The following SGCZ variants were observed in gnomAD, a reference collection of about 807,000 sequenced individuals.
The protein encoded by SGCZ is zeta-sarcoglycan.
In SGCZ, 40 loss-of-function variants were observed where a neutral mutation model predicts 41.3. The observed-to-expected ratio is 0.97, with a 90% confidence interval of 0.75 to 1.26. SGCZ has a LOEUF of 1.26. Among genes scored for constraint, SGCZ ranks in the 50% most tolerant of loss-of-function variants. SGCZ has a pLI of 0.00. For synonymous variants in SGCZ, 206 were observed against 137.5 expected (o/e 1.50, Z -3.49); for missense variants, 552 against 369.8 (o/e 1.49, Z -4.04).
At chr8:14,912,732 T>C (rs970203733) in intron 1 of SGCZ, among the ~76,000 whole-genome samples, 4 of 152,092 alleles carry the variant, frequency 2.6e-5, no homozygotes, top group African/African-American at 7.2e-5. Context: ...GGCGGAAATT[T>C]GATGCACCAC....
intron 1 of SGCZ, among the ~76,000 whole-genome samples, chr8:15,216,516 G>A (rs1801409318): frequency 6.6e-6 from 1 of 151,916 alleles, no homozygotes; most frequent in Admixed American, 6.6e-5. Context: ...CACCGCACCT[G>A]GCCAGCTTAT....
intron 2 of SGCZ, among the ~76,000 whole-genome samples, chr8:14,536,539 A>T (rs1208857974): frequency 1.3e-5 from 2 of 150,988 alleles, no homozygotes; most frequent in African/African-American, 4.9e-5. Context: ...AATTTTAATG[A>T]AAAAAAAACC....
chr8:14,465,303 T>A (rs1384888774), intron 2 of SGCZ, among the ~76,000 whole-genome samples: 1 of 151,736 alleles, frequency 6.6e-6, no homozygotes, highest in East Asian at 1.9e-4. Flanking sequence ...ATTGGACATT[T>A]TAGTAGTATA....
intron 4 of SGCZ, among the ~76,000 whole-genome samples, chr8:14,181,045 A>G (rs1245399254): frequency 1.3e-5 from 2 of 152,204 alleles, no homozygotes; most frequent in African/African-American, 4.8e-5. Flanking sequence ...GCAAGCGGCT[A>G]TTATGCCCCC....
At chr8:14,124,314 C>G (rs1802787591) in intron 5 of SGCZ, among the ~76,000 whole-genome samples, 1 of 152,098 alleles carries the variant, frequency 6.6e-6, no homozygotes, top group Non-Finnish European at 1.5e-5. Flanking sequence ...TTTACCTTTA[C>G]TGTGAAATGA....
intron 1 of SGCZ, among the ~76,000 whole-genome samples, chr8:14,956,143 G>A (rs868650740): frequency 6.7e-4 from 100 of 150,240 alleles, no homozygotes; most frequent in African/African-American, 2.4e-3. Context: ...GGGTTCAAGC[G>A]AATCTCCTGC....
chr8:15,231,461 G>A (rs1801936142), intron 1 of SGCZ, among the ~76,000 whole-genome samples: 1 of 152,048 alleles, frequency 6.6e-6, no homozygotes, highest in African/African-American at 2.4e-5. Context: ...TCTTGGAGGG[G>A]TGGTAACCTT....
At chr8:14,786,206 A>G (rs1286508812) in intron 1 of SGCZ, among the ~76,000 whole-genome samples, 1 of 152,122 alleles carries the variant, frequency 6.6e-6, no homozygotes. Context: ...GTCTTTGACG[A>G]GTTTTATCAG....
chr8:14,656,741 TGAAA>T (rs1807591580), intron 1 of SGCZ, among the ~76,000 whole-genome samples: 1 of 151,790 alleles, frequency 6.6e-6, no homozygotes, highest in Non-Finnish European at 1.5e-5. Flanking sequence ...CAGCTTCAAC[TGAAA>T]GTTTGGGATT....
chr8:14,938,736 G>C (rs1458474491), intron 1 of SGCZ, among the ~76,000 whole-genome samples: 1 of 151,912 alleles, frequency 6.6e-6, no homozygotes, highest in Non-Finnish European at 1.5e-5. Flanking sequence ...TATTCTAAGT[G>C]AAGTAATTCA....
At chr8:14,581,405 C>T (rs1199179844) in intron 1 of SGCZ, among the ~76,000 whole-genome samples, 3 of 152,038 alleles carry the variant, frequency 2.0e-5, no homozygotes, top group Non-Finnish European at 4.4e-5. Context: ...TGAGCCACTG[C>T]GCCCGGCCTT....
At chr8:14,231,358 C>A (rs1466520999) in intron 4 of SGCZ, among the ~76,000 whole-genome samples, 1 of 151,900 alleles carries the variant, frequency 6.6e-6, no homozygotes, top group Non-Finnish European at 1.5e-5. Flanking sequence ...GGAAGGTCTT[C>A]AGCCTTTTTT....
intron 1 of SGCZ, among the ~76,000 whole-genome samples, chr8:14,841,701 C>T (rs1161521127): frequency 1.3e-5 from 2 of 152,292 alleles, no homozygotes; most frequent in East Asian, 3.9e-4. Flanking sequence ...AATGGAATTA[C>T]TGTCAGAAAG....
chr8:14,133,980 T>G (rs954437923), intron 5 of SGCZ, among the ~76,000 whole-genome samples: 30 of 152,332 alleles, frequency 2.0e-4, no homozygotes, highest in African/African-American at 7.0e-4. Context: ...TTTTACTTCC[T>G]ATTTCAAATT....
At chr8:14,438,303 T>C (rs1223627930) in intron 2 of SGCZ, among the ~76,000 whole-genome samples, 5 of 151,998 alleles carry the variant, frequency 3.3e-5, no homozygotes, top group African/African-American at 7.2e-5. Context: ...AAAAGGTCAA[T>C]AGAGTGTATT....
intron 1 of SGCZ, among the ~76,000 whole-genome samples, chr8:14,746,290 G>T (rs964211614): frequency 6.6e-6 from 1 of 151,886 alleles, no homozygotes; most frequent in African/African-American, 2.4e-5. Context: ...GATTTTTCAC[G>T]TTCCACATTG....
At chr8:14,157,309 T>C (rs1479166430) in intron 5 of SGCZ, among the ~76,000 whole-genome samples, 1 of 147,542 alleles carries the variant, frequency 6.8e-6, no homozygotes, top group Non-Finnish European at 1.5e-5. Context: ...ATATACAATA[T>C]TATATGTTAT....
At chr8:14,351,098 C>T (rs1362059427) in intron 2 of SGCZ, among the ~76,000 whole-genome samples, 1 of 152,016 alleles carries the variant, frequency 6.6e-6, no homozygotes, top group East Asian at 1.9e-4. Context: ...TATAACTTTC[C>T]TCTTCCTAAT....
chr8:14,826,554 T>A (rs1036258067), intron 1 of SGCZ, among the ~76,000 whole-genome samples: 2 of 152,180 alleles, frequency 1.3e-5, no homozygotes, highest in Non-Finnish European at 2.9e-5. Flanking sequence ...CCACCAACAG[T>A]GTAGAAGTGT....
Sources: allele counts gnomAD v4.1 joint callset (sites outside exome capture counted in the v4.1 genomes callset), GRCh38; gene constraint gnomAD v4.1.1; transcripts MANE v1.5; gene names NCBI Gene and HGNC (gene_info 2026-07-23, HGNC 2026-07-21).